Variants in LARP4B observed in about 807,000 individuals in gnomAD.
LARP4B encodes the protein La ribonucleoprotein 4B.
In LARP4B, 12 loss-of-function variants were observed where a neutral mutation model predicts 89.8. That is an observed-to-expected ratio of 0.13 (90% confidence interval 0.09 to 0.22). The LOEUF is 0.22. LARP4B is among the 10% of genes least tolerant of loss of function. The pLI is 1.00. For synonymous variants in LARP4B, 367 were observed against 363.3 expected, an observed-to-expected ratio of 1.01 and a Z score of -0.12; for missense variants, 757 against 947.7, an observed-to-expected ratio of 0.80 and a Z score of 2.64.
chr10:919,371 G>C (rs936875167), intron 1 of LARP4B, among the ~76,000 whole-genome samples: 1 of 152,058 alleles, frequency 6.6e-6, no homozygotes, highest in African/African-American at 2.4e-5. Flanking sequence ...CCACGCAAAA[G>C]GCTTATAAGC....
intron 11 of LARP4B, among the ~76,000 whole-genome samples, chr10:827,970 T>C (rs546908660): frequency 6.6e-6 from 1 of 152,310 alleles, no homozygotes; most frequent in South Asian, 2.1e-4. Flanking sequence ...TACACTGCGG[T>C]GGTTCCAGAC....
chr10:912,590 G>A (rs2132024591), intron 1 of LARP4B, among the ~76,000 whole-genome samples: 1 of 152,062 alleles, frequency 6.6e-6, no homozygotes, highest in African/African-American at 2.4e-5. Context: ...GACGTTCTAT[G>A]GCCGAGCGCA....
intron 15 of LARP4B, among the ~76,000 whole-genome samples, chr10:817,454 A>T (rs1832122352): frequency 6.6e-6 from 1 of 152,218 alleles, no homozygotes; most frequent in Non-Finnish European, 1.5e-5. Context: ...ATGCAATCTA[A>T]GTTTCTGGGT....
chr10:891,105 G>A (rs1360141918), intron 1 of LARP4B, among the ~76,000 whole-genome samples: 1 of 150,932 alleles, frequency 6.6e-6, no homozygotes, highest in East Asian at 1.9e-4. Flanking sequence ...TATACCTCCT[G>A]ACGGAAATAC....
the LARP4B span, among the ~76,000 whole-genome samples, chr10:962,118 C>G: frequency 6.6e-6 from 1 of 151,960 alleles, no homozygotes; most frequent in Non-Finnish European, 1.5e-5. Context: ...CGTGGCGAAA[C>G]CCCATCTCTG....
At chr10:978,155 T>C in the LARP4B span, among the ~76,000 whole-genome samples, 2 of 152,220 alleles carry the variant, frequency 1.3e-5, no homozygotes, top group African/African-American at 2.4e-5. Flanking sequence ...AGTCTTTTCC[T>C]TATCAACTTT....
rs1276964124 is a variant in LARP4B, at chr10:863,900, A to AC, written c.290-18dup. 4 of 1,603,824 alleles carry AC rather than the reference A, an allele frequency of 2.5e-6. No individual in the cohort carries two copies. The African/African-American group carries it at 5.4e-5, about 22-fold the overall frequency. ...CATCCGATCCTACAATTAGGAGTTT[A>AC]CCCCAAAAAGGCAGGGTTAGAAGCA... On this transcript the variant is annotated splice_polypyrimidine_tract_variant and intron_variant, in intron 4 of 17. Coordinates refer to ENST00000316157, the MANE Select transcript of LARP4B (RefSeq NM_015155.3).
chr10:955,109 G>C, the LARP4B span, among the ~76,000 whole-genome samples: 111 of 147,132 alleles, frequency 7.5e-4, no homozygotes, highest in African/African-American at 2.7e-3. The surrounding 1 kb of genome is among the most constrained non-coding windows in gnomAD (Gnocchi z 5.2). Context: ...TCCCATCCAC[G>C]CTTCCCCAGG....
the LARP4B span, among the ~76,000 whole-genome samples, chr10:980,502 C>A: frequency 6.6e-6 from 1 of 152,234 alleles, no homozygotes. Context: ...GTGGAGGCCA[C>A]CAAGAGTTCT....
intron 3 of LARP4B, among the ~76,000 whole-genome samples, chr10:872,754 T>TGCC (rs1478556740): frequency 6.6e-6 from 1 of 152,206 alleles, no homozygotes; most frequent in Non-Finnish European, 1.5e-5. Context: ...CCTTGTCGGC[T>TGCC]GCCGTTACCC....
intron 5 of LARP4B, among the ~76,000 whole-genome samples, chr10:859,062 A>ATCCCTT (rs1834453340): frequency 6.6e-6 from 1 of 151,972 alleles, no homozygotes; most frequent in African/African-American, 2.4e-5. Context: ...TGAGATGGGC[A>ATCCCTT]GAGGTCAGGA....
chr10:938,877 T>C, the LARP4B span, among the ~76,000 whole-genome samples: 1 of 152,174 alleles, frequency 6.6e-6, no homozygotes, highest in Non-Finnish European at 1.5e-5. Flanking sequence ...ATGAATGCCA[T>C]GGTATTATGT....
the LARP4B span, among the ~76,000 whole-genome samples, chr10:978,759 T>C: frequency 5.9e-5 from 9 of 152,238 alleles, no homozygotes. Flanking sequence ...TTGTTCCTCA[T>C]TCTGATCACT....
chr10:876,680 C>A (rs1390451169), intron 3 of LARP4B, among the ~76,000 whole-genome samples: 1 of 152,156 alleles, frequency 6.6e-6, no homozygotes, highest in Non-Finnish European at 1.5e-5. Context: ...TGCAAGCTGG[C>A]AGCTCCACAG....
chr10:846,596 G>A, intron 5 of LARP4B, among the ~76,000 whole-genome samples: 1 of 152,322 alleles, frequency 6.6e-6, no homozygotes, highest in African/African-American at 2.4e-5. Context: ...ACAGAGGCCG[G>A]TGTGTGTGAG....
chr10:845,737 A>G (rs749766935), intron 5 of LARP4B, among the ~76,000 whole-genome samples: 1 of 152,236 alleles, frequency 6.6e-6, no homozygotes, highest in Non-Finnish European at 1.5e-5. Flanking sequence ...GACACTGCAT[A>G]AACTGCTGGA....
At chr10:885,016 T>C (rs189495814) in intron 2 of LARP4B, among the ~76,000 whole-genome samples, 1 of 152,338 alleles carries the variant, frequency 6.6e-6, no homozygotes, top group East Asian at 1.9e-4. Flanking sequence ...TTTTTCAGAC[T>C]GATGGGGCTC....
At chr10:890,077 A>T (rs1305129887) in intron 1 of LARP4B, among the ~76,000 whole-genome samples, 2 of 152,240 alleles carry the variant, frequency 1.3e-5, no homozygotes, top group Non-Finnish European at 2.9e-5. Flanking sequence ...TATTTAACCC[A>T]GGTATCTTTT....
At chr10:965,332 C>T in the LARP4B span, among the ~76,000 whole-genome samples, 1 of 152,184 alleles carries the variant, frequency 6.6e-6, no homozygotes, top group Non-Finnish European at 1.5e-5. Context: ...AAACCCAGGT[C>T]CTGCCTGGAC....
Sources: allele counts gnomAD v4.1 joint callset (sites outside exome capture counted in the v4.1 genomes callset), GRCh38; gene constraint gnomAD v4.1.1; non-coding constraint Gnocchi (gnomAD v3.1); transcripts MANE v1.5; gene names NCBI Gene and HGNC (gene_info 2026-07-23, HGNC 2026-07-21).